AIRE: variants seen among roughly 807,000 people sequenced by gnomAD.
The protein encoded by AIRE is autoimmune polyendocrinopathy candidiasis ectodermal dystrophy protein.
AIRE carries 52 observed loss-of-function variants against 62.1 expected under a neutral mutation model. The observed-to-expected ratio is 0.84, with a 90% CI of 0.67 to 1.06. The LOEUF (loss-of-function observed/expected upper bound fraction) is 1.06. AIRE is among the 50% of genes least tolerant of loss of function. The pLI is 0.00. For missense variants in AIRE, 774 were observed against 755.8 expected (o/e 1.02, Z -0.28); for synonymous variants, 342 against 321.6 (o/e 1.06, Z -0.68).
At position 44,286,096 on chromosome 21, in the gene AIRE, C is replaced by G. The variant is rs754316070; in HGVS notation, c.90C>G (p.His30Gln). The change falls in exon 1 of 14, where the codon CAC (histidine) becomes CAG (glutamine). Residue 30 changes from histidine (H) to glutamine (Q), a missense_variant. This residue lies in a region of AIRE where 385 missense variants were observed against 396.0 expected (regional missense o/e 0.97). Coordinates refer to ENST00000291582, the MANE Select transcript of AIRE (RefSeq NM_000383.4). This position sits in a 1 kb window ranked among gnomAD's most constrained non-coding sequence, Gnocchi z 6.0. Reference protein sequence around the residue: ...VAVDSAFPLLHALADHDVVPE... With the variant: ...VAVDSAFPLLQALADHDVVPE... Reference sequence around the variant, plus strand: ...TGGACAGCGCCTTCCCACTGCTGCACGCGCTGGCTGACCACGACGTGGTCC... The same window carrying G: ...TGGACAGCGCCTTCCCACTGCTGCAGGCGCTGGCTGACCACGACGTGGTCC... The G allele has an allele frequency of 6.5e-7, 1 of 1,546,652 alleles. No homozygotes were observed. Among genetic ancestry groups the G allele is most frequent in the South Asian group, 1.2e-5 (1 of 84,024 alleles).
chr21:44,288,581 G>A (rs2040504837), intron 5 of AIRE, 123 bp downstream of exon 5: 2 of 712,326 alleles, frequency 2.8e-6, no homozygotes, highest in Non-Finnish European at 4.7e-6. Context: ...CAGGTAGCCA[G>A]AGTTTCTGCC....
chr21:44,287,910 C>T lies in AIRE; in HGVS notation c.538+319C>T, dbSNP rs1371706320. On this transcript the variant is annotated intron_variant, in intron 4 of 13. Coordinates refer to ENST00000291582, the MANE Select transcript of AIRE (RefSeq NM_000383.4). The surrounding 1 kb of genome is among the most constrained non-coding windows in gnomAD (Gnocchi z 4.3). ...GCTTCCTCCAGAAAATCATCCCTGG[C>T]CCCCAGCTGCATGCAGGCTGAACCC... Among the ~76,000 whole-genome samples the T allele has an allele frequency of 6.6e-6, 1 of 152,162 alleles. No homozygotes were observed. The highest frequency in any genetic ancestry group is 2.4e-5 in the African/African-American group (1 of 41,424).
Position 44,287,460 on chromosome 21 carries a change from C to G in AIRE, c.464-57C>G. On this transcript the variant is annotated intron_variant, in intron 3 of 13. Coordinates refer to ENST00000291582, the MANE Select transcript of AIRE (RefSeq NM_000383.4). The surrounding 1 kb of genome is among the most constrained non-coding windows in gnomAD (Gnocchi z 4.3). ...CCCTCCCACCGCGGGCCCCTGCCCA[C>G]CGGCACTCACCCCCACTGAGAGGGG... The G allele has an allele frequency of 7.6e-7, 1 of 1,309,054 alleles. No individual in the cohort carries two copies. Among genetic ancestry groups the G allele is most frequent in the South Asian group, 1.3e-5 (1 of 78,846 alleles). 81.1% of individuals were successfully genotyped at this position (1,309,054 alleles called of 1,614,324 possible).
At chr21:44,288,313 C>A in intron 4 of AIRE, 32 bp from the exon 5 acceptor site, 1 of 1,496,528 alleles carries the variant, frequency 6.7e-7, no homozygotes. Context: ...GTCTTCCCCA[C>A]GGGTGACCCC....
At position 44,292,413 on chromosome 21, in the gene AIRE, C is replaced by G; in HGVS notation, c.1095+12C>G. The G allele has an allele frequency of 6.5e-7, 1 of 1,538,778 alleles. No homozygotes were observed. The highest frequency in any genetic ancestry group is 1.4e-5 in the African/African-American group (1 of 72,840). ...CCGTGGAGACCCCGGTATGGCCACG[C>G]CCCCTCCTAGCCGGGCCACCCCTCC... On this transcript the variant is annotated intron_variant, in intron 9 of 13. Transcript: ENST00000291582.
Position 44,287,650 on chromosome 21 carries a change from G to T in AIRE, c.538+59G>T. On this transcript the variant is annotated intron_variant, in intron 4 of 13. Transcript: ENST00000291582. This position sits in a 1 kb window ranked among gnomAD's most constrained non-coding sequence, Gnocchi z 4.3. ...CCCTGGCCAGGGGCAAGGGGTCAGG[G>T]GTCAGAGCAGGGCCTGCCCTCTGAG... 1 of 1,486,718 alleles carries T rather than the reference G, an allele frequency of 6.7e-7. No individual in the cohort carries two copies. The highest frequency in any genetic ancestry group is 1.2e-5 in the South Asian group (1 of 82,606). 92.1% of individuals were successfully genotyped at this position (1,486,718 alleles called of 1,614,324 possible).
At position 44,297,215 on chromosome 21, in the gene AIRE, C is replaced by T. The variant is rs552114342; in HGVS notation, c.1567-441C>T. On this transcript the variant is annotated intron_variant, in intron 13 of 13. Coordinates refer to ENST00000291582, the MANE Select transcript of AIRE (RefSeq NM_000383.4). The surrounding 1 kb of genome is among the most constrained non-coding windows in gnomAD (Gnocchi z 4.8). ...TGAGCGACGGGCTCACAGCCTCTCC[C>T]GGGTGGCGGTCTTATTCTGCTGGCA... Among the ~76,000 whole-genome samples the T allele has an allele frequency of 1.5e-3, 222 of 152,328 alleles. 7 individuals are homozygous for T. In the South Asian group the frequency reaches 0.044, roughly 30 times the overall value.
At chr21:44,289,493 ACAAT>A in intron 5 of AIRE, 160 bp from the exon 6 acceptor site, 1 of 670,136 alleles carries the variant, frequency 1.5e-6, no homozygotes. Flanking sequence ...TAGATCCAGG[ACAAT>A]CCCCGGGCCC....
chr21:44,292,770 C>T (rs574831665), intron 9 of AIRE, among the ~76,000 whole-genome samples: 27 of 152,246 alleles, frequency 1.8e-4, no homozygotes, highest in Admixed American at 1.1e-3. Flanking sequence ...GGGGGCCCCC[C>T]GTGTGTAGAC....
rs868650327 is a variant in AIRE, at chr21:44,285,883, C to A, written c.-124C>A. On this transcript the variant is annotated 5_prime_UTR_variant, in exon 1 of 14. Transcript: ENST00000291582. ...GCGCGTGGCTCGCAGACCGGGGAGACGGGCGGGCGCACAGCCGGCGCGGAG... is the reference window on the plus strand; with the variant it reads ...GCGCGTGGCTCGCAGACCGGGGAGAAGGGCGGGCGCACAGCCGGCGCGGAG... 261 of 985,216 alleles carry A rather than the reference C, an allele frequency of 2.6e-4. 3 individuals are homozygous for A. In the Middle Eastern group the frequency reaches 7.4e-3, roughly 28 times the overall value. 61.0% of individuals were successfully genotyped at this position (985,216 alleles called of 1,614,324 possible).
chr21:44,289,019 G>A (rs531182353), intron 5 of AIRE: 127 of 167,160 alleles, frequency 7.6e-4, no homozygotes, highest in African/African-American at 2.9e-3. Context: ...CCTCGGTGCT[G>A]GACATGGGCT....
chr21:44,286,267 A>G lies in AIRE; in HGVS notation c.132+129A>G. The G allele has an allele frequency of 1.1e-6, 1 of 900,540 alleles. No homozygotes were observed. Among genetic ancestry groups the G allele is most frequent in the South Asian group, 1.6e-5 (1 of 61,294 alleles). The allele number at this position is 900,540 out of a possible 1,614,324, so 55.8% of individuals were successfully genotyped here. A position where few individuals can be genotyped will look rare whatever the true frequency, so the allele number is the denominator to read the frequency against. On this transcript the variant is annotated intron_variant, in intron 1 of 13. Transcript: ENST00000291582. The surrounding 1 kb of genome is among the most constrained non-coding windows in gnomAD (Gnocchi z 6.0). ...TCCAGCCTTCCCCAACTCCCTCCCC[A>G]CAAGGAGCCAGGGGCGTCCCTGATG... is the stretch of plus-strand genomic sequence containing the variant.
Position 44,293,865 on chromosome 21 carries a change from C to A in AIRE, c.1355C>A (p.Ala452Asp). ...CTGCGGTGTACTCACTGCGCCGCTGCCTTCCACTGGCGCTGCCACTTCCCA... is the reference window on the plus strand; with the variant it reads ...CTGCGGTGTACTCACTGCGCCGCTGACTTCCACTGGCGCTGCCACTTCCCA... ...DVLRCTHCAA[A>D]FHWRCHFPAG... The change falls in exon 11 of 14, where the codon GCC becomes GAC. Residue 452 changes from alanine (A) to aspartate (D), a missense_variant. By Grantham distance (126) the Ala-to-Asp change is moderately radical. Around this residue, in one of 3 missense-constraint regions of AIRE, gnomAD observed 354 missense variants for 296.1 expected, o/e 1.20. Coordinates refer to ENST00000291582, the MANE Select transcript of AIRE (RefSeq NM_000383.4). 1 of 1,596,844 alleles carries A rather than the reference C, an allele frequency of 6.3e-7. No individual in the cohort carries two copies. The highest frequency in any genetic ancestry group is 8.5e-7 in the Non-Finnish European group (1 of 1,179,540).
At chr21:44,290,736 G>T in intron 7 of AIRE, 1 of 1,410,530 alleles carries the variant, frequency 7.1e-7, no homozygotes, top group Non-Finnish European at 9.5e-7. Context: ...TGCAGGTGGA[G>T]GATTCAGCAG....
chr21:44,289,491 G>GT, intron 5 of AIRE, 166 bp from the exon 6 acceptor site: 3 of 760,000 alleles, frequency 3.9e-6, no homozygotes, highest in Non-Finnish European at 5.8e-6. Context: ...TGTAGATCCA[G>GT]GACAATCCCC....
At chr21:44,289,935 T>G in intron 6 of AIRE, 53 bp from the exon 7 acceptor site, 3 of 1,594,576 alleles carry the variant, frequency 1.9e-6, no homozygotes, top group Non-Finnish European at 1.7e-6. Flanking sequence ...CACAGCCATG[T>G]GCACCCTCGC....
rs768603759 is a variant in AIRE at position 44,288,452 on chromosome 21, G to A, written c.646G>A (p.Glu216Lys). 1.9e-6 allele frequency: 3 copies of A among 1,599,664 alleles called. No homozygotes were observed. Among genetic ancestry groups the A allele is most frequent in the Admixed American group, 1.7e-5 (1 of 59,996 alleles). The change falls in exon 5 of 14, where the codon GAG becomes AAG. Residue 216 changes from glutamate (E) to lysine (K), a missense_variant. Transcript: ENST00000291582. ...GGGGATCCTCATCCAGCAGGTGTTT[G>A]AGTCAGGTAGACGCTGTGGCGGGGA... ...VEGILIQQVF[E>K]SGGSKKCIQV...
chr21:44,287,720 C>A lies in AIRE; in HGVS notation c.538+129C>A. 9.9e-7 allele frequency: 1 copy of A among 1,005,506 alleles called. No homozygotes were observed. The highest frequency in any genetic ancestry group is 1.5e-6 in the Non-Finnish European group (1 of 663,336). The allele number at this position is 1,005,506 out of a possible 1,614,324, so 62.3% of individuals were successfully genotyped here. On this transcript the variant is annotated intron_variant, in intron 4 of 13. Transcript: ENST00000291582. The surrounding 1 kb of genome is among the most constrained non-coding windows in gnomAD (Gnocchi z 4.3). ...GGACGTGCTGGCCTGGTGTGTCATT[C>A]CAAGGGCCTAAGCTGCACCACCAGA...
Position 44,293,111 on chromosome 21 carries a change from C to T in AIRE, c.1214C>T (p.Pro405Leu), listed in dbSNP as rs769719554. 23 of 1,605,884 alleles carry T rather than the reference C, an allele frequency of 1.4e-5. No homozygotes were observed. The highest frequency in any genetic ancestry group is 4.0e-5 in the African/African-American group (3 of 74,832). The change falls in exon 10 of 14, where the codon CCG (proline) becomes CTG (leucine). Residue 405 changes from proline (P) to leucine (L), a missense_variant. Around this residue, in one of 3 missense-constraint regions of AIRE, gnomAD observed 354 missense variants for 296.1 expected, o/e 1.20. Coordinates refer to ENST00000291582, the MANE Select transcript of AIRE (RefSeq NM_000383.4). ...KHLPAPPSAA[P>L]LPGLDSSALH... Reference sequence around the variant, plus strand: ...CTGCCGGCTCCGCCTTCTGCAGCCCCGCTGCCAGGGCTGGACTCCTCGGCC... The same window carrying T: ...CTGCCGGCTCCGCCTTCTGCAGCCCTGCTGCCAGGGCTGGACTCCTCGGCC...
Sources: allele counts gnomAD v4.1 joint callset (sites outside exome capture counted in the v4.1 genomes callset), GRCh38; gene constraint gnomAD v4.1.1; regional missense constraint gnomAD v4.1.1; non-coding constraint Gnocchi (gnomAD v3.1); transcripts MANE v1.5; gene names NCBI Gene and HGNC (gene_info 2026-07-23, HGNC 2026-07-21).